Variants in LPP observed in about 807,000 individuals in gnomAD.
The protein encoded by LPP is LIM domain containing preferred translocation partner in lipoma, also known as lipoma-preferred partner.
A neutral mutation model predicts 60.4 loss-of-function variants in LPP; 38 were observed. That is an observed-to-expected ratio of 0.63 (90% CI 0.49 to 0.83). The LOEUF is 0.83. LPP is among the 40% of genes least tolerant of loss of function. The pLI is 0.00. For missense variants in LPP, 902 were observed against 783.6 expected (o/e 1.15, Z -1.80); for synonymous variants, 328 against 290.8 (o/e 1.13, Z -1.30).
intron 2 of LPP, among the ~76,000 whole-genome samples, chr3:188,323,094 G>A (rs903076560): frequency 2.0e-5 from 3 of 152,158 alleles, no homozygotes; most frequent in African/African-American, 7.2e-5. Flanking sequence ...GACTAAAAGC[G>A]CTTGATGGAT....
At chr3:188,873,640 GA>G (rs1158996994) in intron 11 of LPP, among the ~76,000 whole-genome samples, 2 of 151,820 alleles carry the variant, frequency 1.3e-5, no homozygotes. Context: ...TGGTAAGGTA[GA>G]AAAGGCAGAA....
intron 9 of LPP, among the ~76,000 whole-genome samples, chr3:188,782,777 CATT>C (rs1246644147): frequency 2.6e-5 from 4 of 151,872 alleles, no homozygotes; most frequent in Admixed American, 2.0e-4. Flanking sequence ...ATAATCATAT[CATT>C]ATAAGTTGTG....
intron 3 of LPP, among the ~76,000 whole-genome samples, chr3:188,349,502 C>G (rs1378634246): frequency 6.6e-6 from 1 of 152,096 alleles, no homozygotes; most frequent in South Asian, 2.1e-4. Flanking sequence ...TTTAAAATTC[C>G]CATTTGATAA....
intron 4 of LPP, among the ~76,000 whole-genome samples, chr3:188,434,422 A>T (rs1791798440): frequency 6.6e-6 from 1 of 152,150 alleles, no homozygotes; most frequent in Non-Finnish European, 1.5e-5. Context: ...TATGACCCTA[A>T]TGAGTTACAT....
chr3:188,654,137 G>A (rs1192694912), intron 7 of LPP, among the ~76,000 whole-genome samples: 1 of 152,202 alleles, frequency 6.6e-6, no homozygotes, highest in East Asian at 1.9e-4. Flanking sequence ...AAGTACTGTG[G>A]TTTATAGCTC....
intron 2 of LPP, among the ~76,000 whole-genome samples, chr3:188,307,965 G>C (rs1390385047): frequency 1.3e-5 from 2 of 152,156 alleles, no homozygotes; most frequent in African/African-American, 2.4e-5. Flanking sequence ...GTGCGTGTGT[G>C]TAATTTCGGG....
intron 9 of LPP, among the ~76,000 whole-genome samples, chr3:188,842,009 C>T (rs985248879): frequency 3.3e-5 from 5 of 152,136 alleles, no homozygotes; most frequent in Non-Finnish European, 7.4e-5. Flanking sequence ...ATTAGACTTC[C>T]TCTCTTTCTA....
chr3:188,810,565 T>A (rs780419480), intron 9 of LPP, among the ~76,000 whole-genome samples: 1 of 152,204 alleles, frequency 6.6e-6, no homozygotes, highest in Non-Finnish European at 1.5e-5. Flanking sequence ...TTGCTATTAA[T>A]CTTTTTTGTG....
intron 7 of LPP, among the ~76,000 whole-genome samples, chr3:188,679,511 T>G (rs535921952): frequency 7.0e-6 from 1 of 143,074 alleles, no homozygotes; most frequent in African/African-American, 2.6e-5. Context: ...GCCAAAACTT[T>G]GAATACTCTG....
At chr3:188,643,604 A>G (rs933021913) in intron 7 of LPP, among the ~76,000 whole-genome samples, 1 of 152,180 alleles carries the variant, frequency 6.6e-6, no homozygotes, top group African/African-American at 2.4e-5. Context: ...GATAGAGTAT[A>G]TGCAACCCAG....
At position 188,449,265 on chromosome 3, in the gene LPP, G is replaced by A. The variant is rs554337156; in HGVS notation, c.194-35327G>A. On this transcript the variant is annotated intron_variant, in intron 4 of 11. Transcript: ENST00000617246. Reference sequence around the variant, plus strand: ...ATTCTTATTAATAGTCCTTGAAGAGGCTCTCTCTTGTTTTTGATTGACTTT... The same window carrying A: ...ATTCTTATTAATAGTCCTTGAAGAGACTCTCTCTTGTTTTTGATTGACTTT... Among the ~76,000 whole-genome samples the A allele has an allele frequency of 2.4e-4, 36 of 152,234 alleles. No homozygotes were observed. In the East Asian group the frequency reaches 4.2e-3, roughly 18 times the overall value.
chr3:188,702,156 C>T (rs1003188777), intron 7 of LPP, among the ~76,000 whole-genome samples: 2 of 151,868 alleles, frequency 1.3e-5, no homozygotes, highest in African/African-American at 4.8e-5. Context: ...TGGGATTTCA[C>T]CATGTTAGCT....
chr3:188,630,872 A>C (rs1847739018), intron 7 of LPP, among the ~76,000 whole-genome samples: 1 of 152,192 alleles, frequency 6.6e-6, no homozygotes, highest in Non-Finnish European at 1.5e-5. Context: ...TGTCCTTTGC[A>C]GGGACATGGA....
At chr3:188,413,153 A>AG (rs1785290992) in intron 4 of LPP, among the ~76,000 whole-genome samples, 2 of 152,124 alleles carry the variant, frequency 1.3e-5, no homozygotes, top group Admixed American at 6.6e-5. Context: ...TGTGAGGGAA[A>AG]TGGATGTCCA....
At position 188,365,846 on chromosome 3, in the gene LPP, C is replaced by T. The variant is rs983809444; in HGVS notation, c.-10+24127C>T. Among the ~76,000 whole-genome samples, 9 of 151,972 alleles carry T rather than the reference C, an allele frequency of 5.9e-5. No homozygotes were observed. In the South Asian group the frequency reaches 6.2e-4, roughly 11 times the overall value. ...GTACATTGCATTGTGAAATGATTACCCTAGTCAAGCTAATTAACATAGGCA... is the reference window on the plus strand; with the variant it reads ...GTACATTGCATTGTGAAATGATTACTCTAGTCAAGCTAATTAACATAGGCA... On this transcript the variant is annotated intron_variant, in intron 3 of 11. Transcript: ENST00000617246.
At chr3:188,606,190 G>A (rs1442282202) in intron 6 of LPP, among the ~76,000 whole-genome samples, 1 of 152,168 alleles carries the variant, frequency 6.6e-6, no homozygotes, top group African/African-American at 2.4e-5. Context: ...TGACGGCTCT[G>A]CCTCTGCTAG....
At chr3:188,607,759 T>C (rs1312547470) in intron 6 of LPP, among the ~76,000 whole-genome samples, 1 of 152,192 alleles carries the variant, frequency 6.6e-6, no homozygotes, top group African/African-American at 2.4e-5. Flanking sequence ...AAACAGATAC[T>C]TCAAAATTCA....
chr3:188,459,622 C>T (rs1798537716), intron 4 of LPP, among the ~76,000 whole-genome samples: 1 of 152,030 alleles, frequency 6.6e-6, no homozygotes, highest in Admixed American at 6.6e-5. Context: ...TCCTACTTTC[C>T]AAAATAATTC....
chr3:188,805,787 A>G (rs1748939151), intron 9 of LPP, among the ~76,000 whole-genome samples: 1 of 151,106 alleles, frequency 6.6e-6, no homozygotes, highest in Non-Finnish European at 1.5e-5. Context: ...TTGTGTTTTC[A>G]TTTTCATTCA....
Sources: gnomAD v4.1 joint callset for allele counts (sites outside exome capture counted in the v4.1 genomes callset) on GRCh38, gnomAD v4.1.1 for gene constraint, MANE v1.5 for transcripts, NCBI Gene and HGNC (gene_info 2026-07-23, HGNC 2026-07-21) for gene names.